The following ITGA1 variants were observed in gnomAD, a reference collection of about 807,000 sequenced individuals.
ITGA1 encodes the protein integrin subunit alpha 1.
ITGA1 carries 85 observed loss-of-function variants against 145.9 expected under a neutral mutation model. That is an observed-to-expected ratio of 0.58 (90% CI 0.49 to 0.70). The LOEUF (loss-of-function observed/expected upper bound fraction) is 0.70, where lower values mean the gene tolerates loss of function less well. ITGA1 is among the 30% of genes least tolerant of loss of function. The pLI is 0.00. For missense variants in ITGA1, 1,351 were observed against 1,418.7 expected, an observed-to-expected ratio of 0.95 and a Z score of 0.77; for synonymous variants, 520 against 495.3, an observed-to-expected ratio of 1.05 and a Z score of -0.66.
intron 1 of ITGA1, among the ~76,000 whole-genome samples, chr5:52,827,505 T>C (rs1748988520): frequency 6.6e-6 from 1 of 152,218 alleles, no homozygotes; most frequent in South Asian, 2.1e-4. Context: ...AAAGAAGTTT[T>C]TCTGTGGGTA....
chr5:52,925,409 C>T lies in ITGA1; in HGVS notation c.2535C>T (p.Val845=). Residue 845 remains valine (V), a synonymous_variant, in exon 19 of 29, where the codon GTC becomes GTT. Transcript: ENST00000282588. The part of the protein sequence containing the change: ...QNDKFNVSLT[V]KNTKDSAYNT... ...ATAAGTTCAACGTTAGCCTCACAGT[C>T]AAAAATACAAAGGACAGTGCCTATA... 6.2e-7 allele frequency: 1 copy of T among 1,613,978 alleles called. No homozygotes were observed. The highest frequency in any genetic ancestry group is 8.5e-7 in the Non-Finnish European group (1 of 1,179,932).
intron 2 of ITGA1, among the ~76,000 whole-genome samples, chr5:52,853,569 G>C (rs573479670): frequency 6.6e-6 from 1 of 152,148 alleles, no homozygotes; most frequent in Non-Finnish European, 1.5e-5. Flanking sequence ...CCCATGACAA[G>C]TACAGTCTGT....
chr5:52,829,618 G>GT (rs552124949), intron 1 of ITGA1, among the ~76,000 whole-genome samples: 96 of 150,474 alleles, frequency 6.4e-4, no homozygotes, highest in African/African-American at 1.5e-3. Flanking sequence ...TCTGTTGTGG[G>GT]TTTTTTTTTC....
chr5:52,800,366 G>C, intron 1 of ITGA1: 1 of 1,612,688 alleles, frequency 6.2e-7, no homozygotes, highest in Non-Finnish European at 8.5e-7. Flanking sequence ...TGGTTCCTTT[G>C]GTTCTGTCAG....
intron 28 of ITGA1, among the ~76,000 whole-genome samples, chr5:52,948,659 G>A (rs1751170815): frequency 6.6e-6 from 1 of 152,158 alleles, no homozygotes; most frequent in Non-Finnish European, 1.5e-5. Context: ...TGTTCTCTCT[G>A]TAATACCTAG....
rs1401878012 is a variant in ITGA1 at position 52,956,876 on chromosome 5, A to C, written c.*4425A>C. On this transcript the variant is annotated 3_prime_UTR_variant, in exon 29 of 29. Transcript: ENST00000282588. ...TTCCAGGTGAGTCCTCTGGCTGCCAATCAGACTGCTGATTCTAAACCATTC... is the reference window on the plus strand; with the variant it reads ...TTCCAGGTGAGTCCTCTGGCTGCCACTCAGACTGCTGATTCTAAACCATTC... The C allele has an allele frequency of 1.3e-5, 2 of 152,230 alleles. No homozygotes were observed. Among genetic ancestry groups the C allele is most frequent in the African/African-American group, 4.8e-5 (2 of 41,470 alleles). The allele number at this position is 152,230 out of a possible 1,614,324, so 9.4% of individuals were successfully genotyped here.
chr5:52,900,235 T>G (rs1219214601), intron 11 of ITGA1, among the ~76,000 whole-genome samples: 1 of 152,194 alleles, frequency 6.6e-6, no homozygotes, highest in African/African-American at 2.4e-5. Flanking sequence ...TGAAATACCT[T>G]GGAATCAAGA....
At chr5:52,913,091 G>T (rs1379145251) in intron 14 of ITGA1, among the ~76,000 whole-genome samples, 2 of 151,800 alleles carry the variant, frequency 1.3e-5, no homozygotes, top group African/African-American at 4.8e-5. Context: ...CCTTTCTGTT[G>T]TTATTTTCCA....
Position 52,925,407 on chromosome 5 carries a change from G to A in ITGA1, c.2533G>A (p.Val845Ile). 1 of 1,614,080 alleles carries A rather than the reference G, an allele frequency of 6.2e-7. No homozygotes were observed. Among genetic ancestry groups the A allele is most frequent in the Non-Finnish European group, 8.5e-7 (1 of 1,179,966 alleles). Residue 845 changes from valine to isoleucine, a missense_variant, in exon 19 of 29, where the codon GTC (valine) becomes ATC (isoleucine). Transcript: ENST00000282588. Reference sequence around the variant, plus strand: ...TGATAAGTTCAACGTTAGCCTCACAGTCAAAAATACAAAGGACAGTGCCTA... The same window carrying A: ...TGATAAGTTCAACGTTAGCCTCACAATCAAAAATACAAAGGACAGTGCCTA... The part of the protein sequence containing the change: ...QNDKFNVSLT[V>I]KNTKDSAYNT...
intron 1 of ITGA1, among the ~76,000 whole-genome samples, chr5:52,818,787 A>G (rs562092843): frequency 6.6e-6 from 1 of 152,254 alleles, no homozygotes; most frequent in South Asian, 2.1e-4. Flanking sequence ...ATTCCTCACC[A>G]TTTTGGTATT....
intron 1 of ITGA1, among the ~76,000 whole-genome samples, chr5:52,839,543 G>A (rs1461233565): frequency 6.6e-6 from 1 of 152,148 alleles, no homozygotes; most frequent in African/African-American, 2.4e-5. Context: ...ACTGTCCTAT[G>A]TACTCTGTCC....
intron 1 of ITGA1, among the ~76,000 whole-genome samples, chr5:52,807,186 A>T (rs1431655045): frequency 6.6e-6 from 1 of 152,198 alleles, no homozygotes; most frequent in African/African-American, 2.4e-5. Flanking sequence ...CTGAGGCAAG[A>T]GCAGTATTTG....
chr5:52,927,123 G>A (rs551531909), intron 19 of ITGA1, among the ~76,000 whole-genome samples: 2 of 152,288 alleles, frequency 1.3e-5, no homozygotes, highest in East Asian at 3.9e-4. Flanking sequence ...TCCCAGAGAG[G>A]TGAGGAATCT....
In ITGA1 at chr5:52,957,311, T is replaced by A. The variant is rs1751319366; in HGVS notation, c.*4860T>A. 6.6e-6 allele frequency: 1 copy of A among 151,816 alleles called. No individual in the cohort carries two copies. The highest frequency in any genetic ancestry group is 2.1e-4 in the South Asian group (1 of 4,812). 9.4% of individuals were successfully genotyped at this position (151,816 alleles called of 1,614,324 possible). On this transcript the variant is annotated 3_prime_UTR_variant, in exon 29 of 29. Coordinates refer to ENST00000282588, the MANE Select transcript of ITGA1 (RefSeq NM_181501.2). ...GATGCTTAACCCTTGAACCCACTAC[T>A]GTTCTTATGCCCCAAGATCTGCACC...
At chr5:52,923,006 A>G (rs1452139889) in intron 18 of ITGA1, 119 bp downstream of exon 18, 2 of 617,892 alleles carry the variant, frequency 3.2e-6, no homozygotes, top group Non-Finnish European at 5.6e-6. Context: ...TAACTGGAAG[A>G]AAGAAAAAAA....
At chr5:52,813,124 G>A (rs539122030) in intron 1 of ITGA1, among the ~76,000 whole-genome samples, 2 of 152,232 alleles carry the variant, frequency 1.3e-5, no homozygotes, top group Non-Finnish European at 2.9e-5. Flanking sequence ...TTCATGCCAG[G>A]AATAGTAACC....
chr5:52,805,615 A>T (rs991818801), intron 1 of ITGA1, among the ~76,000 whole-genome samples: 9 of 151,384 alleles, frequency 5.9e-5, no homozygotes, highest in Non-Finnish European at 1.2e-4. Context: ...AATGGTAATT[A>T]AAAAAAAATG....
intron 20 of ITGA1, among the ~76,000 whole-genome samples, chr5:52,929,202 T>C (rs1248804000): frequency 6.6e-6 from 1 of 152,142 alleles, no homozygotes; most frequent in Admixed American, 6.6e-5. Flanking sequence ...GCCCATTTCA[T>C]GCTTCATAGA....
At chr5:52,877,465 C>A (rs75124392) in intron 6 of ITGA1, among the ~76,000 whole-genome samples, 42,819 of 151,996 alleles carry the variant, frequency 0.28, 6,659 homozygotes, top group South Asian at 0.43. Flanking sequence ...TCCATAAACA[C>A]GCCCACCAGG....
Sources: allele counts gnomAD v4.1 joint callset (sites outside exome capture counted in the v4.1 genomes callset), GRCh38; gene constraint gnomAD v4.1.1; transcripts MANE v1.5; gene names NCBI Gene and HGNC (gene_info 2026-07-23, HGNC 2026-07-21).